MPDZ: variants seen among roughly 807,000 people sequenced by gnomAD.
MPDZ encodes multiple PDZ domain crumbs cell polarity complex component.
Under a neutral mutation model 239.1 loss-of-function variants are expected in MPDZ, and 234 were observed. The ratio of observed to expected loss-of-function variants is 0.98; its 90% CI spans 0.88 to 1.09. The LOEUF (loss-of-function observed/expected upper bound fraction) is 1.09. Among genes scored for constraint, MPDZ ranks in the 50% least tolerant of loss-of-function variants. MPDZ has a pLI of 0.00. For synonymous variants in MPDZ, 1,048 were observed against 881.3 expected (o/e 1.19, Z -3.35); for missense variants, 3,175 against 2,510.0 (o/e 1.26, Z -5.66).
intron 21 of MPDZ, among the ~76,000 whole-genome samples, chr9:13,170,536 A>G (rs1023702476): frequency 1.3e-5 from 2 of 152,300 alleles, no homozygotes; most frequent in Non-Finnish European, 1.5e-5. Flanking sequence ...TTGTACTGTT[A>G]AAGCCAGCCT....
In MPDZ at chr9:13,221,488, G is replaced by A. The variant is rs536897105; in HGVS notation, c.760C>T (p.His254Tyr). The change falls in exon 7 of 47, where the codon CAC becomes TAC. Residue 254 changes from histidine to tyrosine, a missense_variant. Physicochemically the swap from His to Tyr is moderately conservative, Grantham distance 83. Transcript: ENST00000319217. The part of the protein sequence containing the change: ...SAHSNPVHWQ[H>Y]METIELVNDG... ...TTCACCAATTCAATCGTTTCCATGTGTTGCCAGTGAACCTACAAACAAAGC... is the reference window on the plus strand; with the variant it reads ...TTCACCAATTCAATCGTTTCCATGTATTGCCAGTGAACCTACAAACAAAGC... 13 of 1,610,078 alleles carry A rather than the reference G, an allele frequency of 8.1e-6. No individual in the cohort carries two copies. Among genetic ancestry groups the A allele is most frequent in the Middle Eastern group, 1.7e-4 (1 of 6,030 alleles).
At chr9:13,165,561 C>G (rs761396194) in intron 22 of MPDZ, 13 of 722,884 alleles carry the variant, frequency 1.8e-5, no homozygotes, top group Non-Finnish European at 1.6e-5. Flanking sequence ...CCCATCTACA[C>G]CTCCCCCAGA....
In MPDZ at chr9:13,138,969, A is replaced by G. The variant is rs148317345; in HGVS notation, c.4004-816T>C. ...CATTACATTTTGGGGTGGCTTCATA[A>G]TAGAAAACTGAAACATTTCAGTTCA... is the stretch of plus-strand genomic sequence containing the variant. On this transcript the variant is annotated intron_variant, in intron 28 of 46. Transcript: ENST00000319217. Among the ~76,000 whole-genome samples the G allele has an allele frequency of 3.9e-5, 6 of 152,346 alleles. No individual in the cohort carries two copies. In the East Asian group the frequency reaches 1.2e-3, roughly 29 times the overall value.
At chr9:13,181,856 C>T (rs1432935908) in intron 19 of MPDZ, among the ~76,000 whole-genome samples, 2 of 152,160 alleles carry the variant, frequency 1.3e-5, no homozygotes, top group Non-Finnish European at 2.9e-5. Context: ...GAGATTCCAT[C>T]AGGAGATGAA....
chr9:13,168,373 C>G lies in MPDZ; in HGVS notation c.3247G>C (p.Asp1083His). The stretch of plus-strand genomic sequence containing the variant: ...GCTTCAAATGATACTTACTTTATGT[C>G]AGGGCCAATGAGAGAATGTCTTCTC... Reference protein sequence around the residue: ...MLRRHSLIGPDIKITYVPAEH... With the variant: ...MLRRHSLIGPHIKITYVPAEH... Residue 1083 changes from aspartate to histidine, a missense_variant, in exon 22 of 47, where the codon GAC becomes CAC. Coordinates refer to ENST00000319217, the MANE Select transcript of MPDZ (RefSeq NM_001378778.1). 1 of 1,612,080 alleles carries G rather than the reference C, an allele frequency of 6.2e-7. No homozygotes were observed. Among genetic ancestry groups the G allele is most frequent in the Non-Finnish European group, 8.5e-7 (1 of 1,178,866 alleles).
chr9:13,250,226 A>C (rs2137987904), intron 2 of MPDZ, 74 bp downstream of exon 2: 1 of 1,409,790 alleles, frequency 7.1e-7, no homozygotes, highest in East Asian at 2.4e-5. Context: ...TATGTTAAAC[A>C]CAACATATGT....
chr9:13,198,653 T>A (rs1955957271), intron 12 of MPDZ, among the ~76,000 whole-genome samples: 1 of 151,894 alleles, frequency 6.6e-6, no homozygotes. Context: ...ACATAAAAAA[T>A]CTTTGCCCAG....
intron 19 of MPDZ, among the ~76,000 whole-genome samples, chr9:13,176,761 T>G (rs1329521822): frequency 1.3e-5 from 2 of 152,150 alleles, no homozygotes; most frequent in Non-Finnish European, 2.9e-5. Context: ...GCAAGTAGCA[T>G]ACTTCCAAAT....
chr9:13,221,546 C>G, intron 6 of MPDZ, 46 bp from the exon 7 acceptor site: 1 of 1,583,984 alleles, frequency 6.3e-7, no homozygotes, highest in Non-Finnish European at 8.6e-7. Context: ...TTACAAAGCA[C>G]TACCATTTTA....
chr9:13,271,689 A>C (rs1973004409), intron 1 of MPDZ, among the ~76,000 whole-genome samples: 1 of 152,108 alleles, frequency 6.6e-6, no homozygotes, highest in Non-Finnish European at 1.5e-5. Context: ...AAAGAGTAAA[A>C]TTTTTCCTCC....
In MPDZ at chr9:13,106,701, A is replaced by G. The variant is rs905302045; in HGVS notation, c.*264T>C. The G allele has an allele frequency of 3.5e-5, 13 of 373,982 alleles. No homozygotes were observed. Among genetic ancestry groups the G allele is most frequent in the Admixed American group, 7.5e-5 (2 of 26,682 alleles). 23.2% of individuals were successfully genotyped at this position (373,982 alleles called of 1,614,324 possible). On this transcript the variant is annotated 3_prime_UTR_variant, in exon 47 of 47. Coordinates refer to ENST00000319217, the MANE Select transcript of MPDZ (RefSeq NM_001378778.1). ...TGCCCATGTGACTACAAAACATTAG[A>G]TATCTCCACAAATAAAAACGAGATT...
chr9:13,221,565 T>C, intron 6 of MPDZ, 65 bp from the exon 7 acceptor site: 1 of 1,532,932 alleles, frequency 6.5e-7, no homozygotes, highest in African/African-American at 1.4e-5. Flanking sequence ...TACATTACAG[T>C]AGAAATTTTT....
Position 13,109,819 on chromosome 9 carries a change from T to C in MPDZ, c.5942+133A>G, listed in dbSNP as rs184293169. 214 of 704,520 alleles carry C rather than the reference T, an allele frequency of 3.0e-4. No homozygotes were observed. In the African/African-American group the frequency reaches 3.5e-3, roughly 12 times the overall value. The allele number at this position is 704,520 out of a possible 1,614,324, so 43.6% of individuals were successfully genotyped here. On this transcript the variant is annotated intron_variant, in intron 45 of 46. Transcript: ENST00000319217. ...TAAGTTTAGAAGCACCTGATATGTA[T>C]AATTCACACTTCATATATCCTATCA...
rs199713680 is a variant in MPDZ at position 13,247,800 on chromosome 9, G to A, written c.18C>T (p.Asp6=). Residue 6 remains aspartate, a splice_region_variant and synonymous_variant, in exon 3 of 47, where the codon GAC becomes GAT. Coordinates refer to ENST00000319217, the MANE Select transcript of MPDZ (RefSeq NM_001378778.1). ...CTGCTGCATGCAGGGCCCGATTTTTGTCTATACCAAAGAGCAGCATTTGTC... is the reference window on the plus strand; with the variant it reads ...CTGCTGCATGCAGGGCCCGATTTTTATCTATACCAAAGAGCAGCATTTGTC... The part of the protein sequence containing the change: MLEAI[D]KNRALHAAER... The A allele has an allele frequency of 2.5e-6, 4 of 1,599,772 alleles. No individual in the cohort carries two copies. The East Asian group carries it at 6.7e-5, about 27-fold the overall frequency.
chr9:13,245,777 T>C (rs943037148), intron 3 of MPDZ, among the ~76,000 whole-genome samples: 38 of 152,160 alleles, frequency 2.5e-4, no homozygotes, highest in African/African-American at 7.0e-4. Context: ...GGGACCCAAA[T>C]AGTCTCAGAG....
At chr9:13,124,911 T>C (rs1165665917) in intron 35 of MPDZ, among the ~76,000 whole-genome samples, 1 of 152,156 alleles carries the variant, frequency 6.6e-6, no homozygotes, top group East Asian at 1.9e-4. Flanking sequence ...CCCTTAGCAA[T>C]ATATTTTTGG....
In MPDZ at chr9:13,205,090, C is replaced by G. The variant is rs749987058; in HGVS notation, c.1492G>C (p.Glu498Gln). ...TTTCTCGTCGAAGATAAAAAATCTT[C>G]ATCTTTTTCATAATTTTCTTAAAGA... Reference protein sequence around the residue: ...SIIKENYEKDEDFLSSTRNTN... With the variant: ...SIIKENYEKDQDFLSSTRNTN... The change falls in exon 12 of 47, where the codon GAA becomes CAA. Residue 498 changes from glutamate (E) to glutamine (Q), a missense_variant. Physicochemically the swap from Glu to Gln is conservative, Grantham distance 29 (BLOSUM62 2). Coordinates refer to ENST00000319217, the MANE Select transcript of MPDZ (RefSeq NM_001378778.1). 58 of 1,435,400 alleles carry G rather than the reference C, an allele frequency of 4.0e-5. No homozygotes were observed. The highest frequency in any genetic ancestry group is 9.3e-5 in the Admixed American group (3 of 32,236). The allele number at this position is 1,435,400 out of a possible 1,614,324, so 88.9% of individuals were successfully genotyped here. A position where few individuals can be genotyped will look rare whatever the true frequency, so the allele number is the denominator to read the frequency against.
Position 13,196,156 on chromosome 9 carries a change from AT to A in MPDZ, c.1620del (p.Lys540AsnfsTer12). On this transcript the variant is annotated frameshift_variant, in exon 13 of 47. Coordinates refer to ENST00000319217, the MANE Select transcript of MPDZ (RefSeq NM_001378778.1). LOFTEE classifies it high-confidence loss of function. Reference sequence around the variant, plus strand: ...TAGTTAATTCCCATAATCCTTTGCCATTTTGTCAGCAGAGCAGCTTCTTGTT... The same window carrying A: ...TAGTTAATTCCCATAATCCTTTGCCATTTGTCAGCAGAGCAGCTTCTTGTT... Reference protein sequence around the residue: ...AQKQEAALLTKWQRIMGINYE... With the variant: ...AQKQEAALLTXWQRIMGINYE... 6.2e-7 allele frequency: 1 copy of A among 1,602,954 alleles called. No homozygotes were observed. The highest frequency in any genetic ancestry group is 1.1e-5 in the South Asian group (1 of 89,116).
chr9:13,166,701 C>T (rs1951125824), intron 22 of MPDZ, among the ~76,000 whole-genome samples: 1 of 151,970 alleles, frequency 6.6e-6, no homozygotes, highest in South Asian at 2.1e-4. Flanking sequence ...GAAGCTAGCT[C>T]TCTAGATACC....
Sources: gnomAD v4.1 joint callset for allele counts (sites outside exome capture counted in the v4.1 genomes callset) on GRCh38, gnomAD v4.1.1 for gene constraint, MANE v1.5 for transcripts, NCBI Gene and HGNC (gene_info 2026-07-23, HGNC 2026-07-21) for gene names.